The following HECTD4 variants were observed in gnomAD, a reference collection of about 807,000 sequenced individuals.
HECTD4 encodes the protein probable E3 ubiquitin-protein ligase HECTD4.
HECTD4 carries 114 observed loss-of-function variants against 471.5 expected under a neutral mutation model. That is an observed-to-expected ratio of 0.24 (90% CI 0.21 to 0.28). HECTD4 has a LOEUF of 0.28. Among genes scored for constraint, HECTD4 ranks in the 10% least tolerant of loss-of-function variants. HECTD4 has a pLI of 1.00. For synonymous variants in HECTD4, 2,012 were observed against 2,256.0 expected, an observed-to-expected ratio of 0.89 and a Z score of 3.07; for missense variants, 3,866 against 5,651.5, an observed-to-expected ratio of 0.68 and a Z score of 10.13.
intron 1 of HECTD4, among the ~76,000 whole-genome samples, chr12:112,360,840 C>T (rs1304017865): frequency 6.6e-6 from 1 of 151,972 alleles, no homozygotes; most frequent in Non-Finnish European, 1.5e-5. Context: ...AAAAATTAGC[C>T]AGGCATGGTG....
At chr12:112,238,992 A>G (rs2033579701) in intron 34 of HECTD4, 60 bp downstream of exon 34, 1 of 1,489,292 alleles carries the variant, frequency 6.7e-7, no homozygotes, top group Non-Finnish European at 9.0e-7. Context: ...AAAAAAACCA[A>G]TAAACTAACA....
At chr12:112,345,935 G>A (rs1338491173) in intron 1 of HECTD4, among the ~76,000 whole-genome samples, 1 of 152,142 alleles carries the variant, frequency 6.6e-6, no homozygotes, top group Non-Finnish European at 1.5e-5. Context: ...AGCAAACATG[G>A]ATCTTTCCTG....
At chr12:112,371,639 C>T (rs1472426453) in intron 1 of HECTD4, among the ~76,000 whole-genome samples, 1 of 151,656 alleles carries the variant, frequency 6.6e-6, no homozygotes, top group Admixed American at 6.6e-5. Context: ...GTAATCCCAG[C>T]ACTTTGGGAG....
chr12:112,357,133 C>G (rs2036356010), intron 1 of HECTD4, among the ~76,000 whole-genome samples: 1 of 152,114 alleles, frequency 6.6e-6, no homozygotes, highest in African/African-American at 2.4e-5. Context: ...ATTTCAAGAT[C>G]CTTTTCAGCC....
rs1006503233 is a variant in HECTD4, at chr12:112,318,811, C to T, written c.695+414G>A. Among the ~76,000 whole-genome samples, 9 of 152,316 alleles carry T rather than the reference C, an allele frequency of 5.9e-5. No individual in the cohort carries two copies. In the South Asian group the frequency reaches 1.7e-3, roughly 28 times the overall value. The stretch of plus-strand genomic sequence containing the variant: ...AGGTGAATAATAGCCCACTAGCTTG[C>T]TGATGTACTTCTTATAGACAGGTAT... On this transcript the variant is annotated intron_variant, in intron 2 of 75. Transcript: ENST00000682272.
intron 1 of HECTD4, among the ~76,000 whole-genome samples, chr12:112,366,866 G>A (rs769068298): frequency 1.1e-4 from 16 of 142,654 alleles, no homozygotes; most frequent in Non-Finnish European, 2.3e-4. Context: ...GGCAACAAGA[G>A]TGAAACTCTG....
intron 29 of HECTD4, among the ~76,000 whole-genome samples, chr12:112,244,231 A>G (rs1336408386): frequency 6.6e-6 from 1 of 152,212 alleles, no homozygotes; most frequent in Non-Finnish European, 1.5e-5. Context: ...CTTTTTATTA[A>G]ATTGGTTTTC....
intron 66 of HECTD4, 59 bp from the exon 67 acceptor site, chr12:112,172,920 T>G (rs1477504906): frequency 6.9e-7 from 1 of 1,444,616 alleles, no homozygotes; most frequent in East Asian, 2.3e-5. Flanking sequence ...GGGATGACTG[T>G]TGCATTTCTC....
intron 1 of HECTD4, among the ~76,000 whole-genome samples, chr12:112,358,819 T>C (rs931397315): frequency 1.3e-5 from 2 of 152,228 alleles, no homozygotes; most frequent in Admixed American, 6.5e-5. Flanking sequence ...GAAATTTGTG[T>C]CACTGTCAAC....
intron 60 of HECTD4, among the ~76,000 whole-genome samples, chr12:112,187,579 T>C (rs1297873255): frequency 6.6e-6 from 1 of 150,488 alleles, no homozygotes; most frequent in Non-Finnish European, 1.5e-5. Context: ...TGCCAATGGA[T>C]ACTAATTTTG....
chr12:112,295,806 A>T (rs1254661599), intron 7 of HECTD4, among the ~76,000 whole-genome samples: 1 of 142,294 alleles, frequency 7.0e-6, no homozygotes, highest in Non-Finnish European at 1.5e-5. Context: ...TAAATTAAAA[A>T]AAAAATATAT....
At chr12:112,279,814 T>C (rs2034596911) in intron 8 of HECTD4, among the ~76,000 whole-genome samples, 2 of 152,226 alleles carry the variant, frequency 1.3e-5, no homozygotes, top group Non-Finnish European at 2.9e-5. Flanking sequence ...TTCAGATTTT[T>C]TCAGAATTTG....
chr12:112,232,941 A>G, intron 38 of HECTD4, 63 bp downstream of exon 38: 2 of 1,389,054 alleles, frequency 1.4e-6, no homozygotes, highest in Non-Finnish European at 2.0e-6. Flanking sequence ...TTGTTCTGAA[A>G]ATCTAAAGCA....
At chr12:112,262,098 A>C (rs1181631257) in intron 17 of HECTD4, 1 of 152,208 alleles carries the variant, frequency 6.6e-6, no homozygotes, top group Non-Finnish European at 1.5e-5. Context: ...TTAGTTTACA[A>C]TTATTTTCAG....
chr12:112,200,851 G>A, intron 54 of HECTD4, 53 bp from the exon 55 acceptor site: 2 of 1,544,322 alleles, frequency 1.3e-6, no homozygotes, highest in Non-Finnish European at 1.8e-6. Flanking sequence ...TGTTTTCCAT[G>A]TGTGCGTGCG....
intron 1 of HECTD4, among the ~76,000 whole-genome samples, chr12:112,357,963 G>C (rs1018911281): frequency 6.6e-6 from 1 of 152,202 alleles, no homozygotes; most frequent in Non-Finnish European, 1.5e-5. Context: ...AGCACTTTGG[G>C]AAGCCGAGGC....
Position 112,273,570 on chromosome 12 carries a change from G to C in HECTD4, c.1942+85C>G. 8.6e-6 allele frequency: 11 copies of C among 1,282,806 alleles called. No homozygotes were observed. In the South Asian group the frequency reaches 1.5e-4, roughly 17 times the overall value. 79.5% of individuals were successfully genotyped at this position (1,282,806 alleles called of 1,614,324 possible). On this transcript the variant is annotated intron_variant, in intron 11 of 75. Coordinates refer to ENST00000682272, the MANE Select transcript of HECTD4 (RefSeq NM_001388303.1). ...AACTGGTGACACATTCTGGGGTTGG[G>C]CTATGTTTTCACCTACTAATGCTGT...
chr12:112,302,568 T>C, intron 7 of HECTD4: 5 of 688,870 alleles, frequency 7.3e-6, no homozygotes, highest in South Asian at 6.0e-5. Flanking sequence ...TCTTACGCCT[T>C]TTCTCAAACA....
chr12:112,228,070 A>G lies in HECTD4; in HGVS notation c.6854+19T>C, dbSNP rs762631610. The G allele has an allele frequency of 4.4e-6, 7 of 1,590,700 alleles. No individual in the cohort carries two copies. In the African/African-American group the frequency reaches 5.4e-5, roughly 12 times the overall value. ...TTGCACCATGTCAGCACATAAGGCA[A>G]TGTGGGGAGGGTACTCACCTTGTCC... is the stretch of plus-strand genomic sequence containing the variant. On this transcript the variant is annotated intron_variant, in intron 43 of 75. Coordinates refer to ENST00000682272, the MANE Select transcript of HECTD4 (RefSeq NM_001388303.1). The surrounding 1 kb of genome is among the most constrained non-coding windows in gnomAD (Gnocchi z 4.9).
Sources: allele counts gnomAD v4.1 joint callset (sites outside exome capture counted in the v4.1 genomes callset), GRCh38; gene constraint gnomAD v4.1.1; non-coding constraint Gnocchi (gnomAD v3.1); transcripts MANE v1.5; gene names NCBI Gene and HGNC (gene_info 2026-07-23, HGNC 2026-07-21).